Variants in TTC6 observed in about 807,000 individuals in gnomAD.
The protein encoded by TTC6 is tetratricopeptide repeat protein 6.
Under a neutral mutation model 210.4 loss-of-function variants are expected in TTC6, and 172 were observed. The ratio of observed to expected loss-of-function variants is 0.82; its 90% CI spans 0.72 to 0.93. The LOEUF is 0.93. TTC6 is among the 40% of genes least tolerant of loss of function. The pLI, the probability that TTC6 is intolerant of heterozygous loss-of-function variation, is 0.00. For synonymous variants in TTC6, 804 were observed against 819.6 expected (o/e 0.98, Z 0.32); for missense variants, 2,414 against 2,318.1 (o/e 1.04, Z -0.85).
intron 26 of TTC6, among the ~76,000 whole-genome samples, chr14:37,820,884 C>T (rs8007600): frequency 0.91 from 131,639 of 145,018 alleles, 59,931 homozygotes; most frequent in Non-Finnish European, 0.96. Flanking sequence ...TTCTCCTCCT[C>T]CTTCTCCTCC....
chr14:37,800,342 A>G (rs897906014), intron 20 of TTC6, among the ~76,000 whole-genome samples: 10 of 152,236 alleles, frequency 6.6e-5, no homozygotes, highest in African/African-American at 1.9e-4. Flanking sequence ...ATTTCCAAGC[A>G]AGGTGTTGAC....
At chr14:37,827,494 A>G (rs1176540396) in intron 29 of TTC6, 128 bp downstream of exon 31, 2 of 839,222 alleles carry the variant, frequency 2.4e-6, no homozygotes, top group Non-Finnish European at 1.8e-6. Context: ...TTTATTTAAA[A>G]TGTTATCTTT....
intron 20 of TTC6, 29 bp from the exon 23 acceptor site, chr14:37,804,651 G>T: frequency 6.2e-7 from 1 of 1,602,308 alleles, no homozygotes; most frequent in Non-Finnish European, 8.5e-7. Flanking sequence ...AACATTTCTT[G>T]CCCCCTCCCT....
intron 27 of TTC6, among the ~76,000 whole-genome samples, chr14:37,825,464 G>T (rs557821854): frequency 1.3e-5 from 2 of 151,976 alleles, no homozygotes; most frequent in Non-Finnish European, 2.9e-5. Flanking sequence ...GGCAAGATGG[G>T]TTTTTTTAGC....
chr14:37,719,805 T>G (rs952553699), intron 6 of TTC6, among the ~76,000 whole-genome samples: 2 of 152,120 alleles, frequency 1.3e-5, no homozygotes, highest in Non-Finnish European at 2.9e-5. Context: ...ATTCTTACAC[T>G]TGACCCCAAA....
Position 37,827,372 on chromosome 14 carries a change from G to A in TTC6, c.5298+6G>A, listed in dbSNP as rs1485911491. 6.2e-7 allele frequency: 1 copy of A among 1,611,476 alleles called. No homozygotes were observed. On this transcript the variant is annotated splice_donor_region_variant and intron_variant, in intron 29 of 30. Transcript: ENST00000553443. Reference sequence around the variant, plus strand: ...ACCACAGGCAGTTTTCCCAGGTAATGTGAGTTTTACTTAACGCTTTCTTTT... The same window carrying A: ...ACCACAGGCAGTTTTCCCAGGTAATATGAGTTTTACTTAACGCTTTCTTTT...
chr14:37,739,568 T>TAAAA (rs869033607), intron 10 of TTC6, among the ~76,000 whole-genome samples: 8 of 122,336 alleles, frequency 6.5e-5, no homozygotes, highest in African/African-American at 9.7e-5. Context: ...GACTCCATCT[T>TAAAA]AAAAAAAAAA....
intron 25 of TTC6, among the ~76,000 whole-genome samples, chr14:37,813,725 A>G (rs1379921446): frequency 3.9e-5 from 6 of 152,114 alleles, no homozygotes; most frequent in Non-Finnish European, 7.4e-5. Context: ...GCGTTAATAT[A>G]TGGAGATAAA....
At chr14:37,651,163 T>G (rs1323966980) in intron 1 of TTC6, among the ~76,000 whole-genome samples, 2 of 151,956 alleles carry the variant, frequency 1.3e-5, no homozygotes, top group Non-Finnish European at 2.9e-5. Context: ...TGAATTTTCT[T>G]TACTTAGTTG....
At chr14:37,731,161 T>C (rs2095885025) in intron 7 of TTC6, among the ~76,000 whole-genome samples, 2 of 152,212 alleles carry the variant, frequency 1.3e-5, no homozygotes, top group Admixed American at 1.3e-4. Context: ...TTTCATCAGC[T>C]GATCAATACG....
chr14:37,672,720 G>T (rs2095760630), intron 1 of TTC6, among the ~76,000 whole-genome samples: 1 of 151,920 alleles, frequency 6.6e-6, no homozygotes, highest in South Asian at 2.1e-4. Context: ...ATAGTGCATT[G>T]CCCAACCATA....
At chr14:37,755,037 G>T (rs1008445200) in intron 14 of TTC6, among the ~76,000 whole-genome samples, 2 of 152,104 alleles carry the variant, frequency 1.3e-5, no homozygotes, top group African/African-American at 4.8e-5. Flanking sequence ...GTGTAAAAGC[G>T]TTCCTACTTC....
In TTC6 at chr14:37,823,996, G is replaced by T. The variant is rs760489982; in HGVS notation, c.4974+39G>T. 13 of 1,578,934 alleles carry T rather than the reference G, an allele frequency of 8.2e-6. No homozygotes were observed. In the East Asian group the frequency reaches 2.5e-4, roughly 30 times the overall value. ...ATTTTGAGCATTAAAAGCATGTTTTGGGGAGAAAGAATATATTTGGCTCTT... is the reference window on the plus strand; with the variant it reads ...ATTTTGAGCATTAAAAGCATGTTTTTGGGAGAAAGAATATATTTGGCTCTT... On this transcript the variant is annotated intron_variant, in intron 27 of 30. Transcript: ENST00000553443.
At chr14:37,816,823 G>C (rs995325694) in intron 25 of TTC6, among the ~76,000 whole-genome samples, 1 of 152,034 alleles carries the variant, frequency 6.6e-6, no homozygotes, top group Non-Finnish European at 1.5e-5. Flanking sequence ...AAATATTTCT[G>C]TAGGACTTTG....
chr14:37,786,500 G>A (rs2096067999), intron 14 of TTC6, among the ~76,000 whole-genome samples: 1 of 152,174 alleles, frequency 6.6e-6, no homozygotes, highest in Non-Finnish European at 1.5e-5. Flanking sequence ...GTTGGAGTGA[G>A]TCAATTTTCC....
intron 1 of TTC6, among the ~76,000 whole-genome samples, chr14:37,650,148 C>T (rs2095708603): frequency 6.6e-6 from 1 of 152,204 alleles, no homozygotes; most frequent in Admixed American, 6.5e-5. Context: ...TTTCCATTAC[C>T]TGGCACAGGT....
intron 1 of TTC6, among the ~76,000 whole-genome samples, chr14:37,626,824 G>A (rs534496881): frequency 2.0e-5 from 3 of 152,122 alleles, no homozygotes; most frequent in Non-Finnish European, 4.4e-5. Context: ...ATTTTTAGAC[G>A]ATAACTATGT....
intron 14 of TTC6, among the ~76,000 whole-genome samples, chr14:37,773,657 T>C (rs1330455880): frequency 1.3e-5 from 2 of 152,196 alleles, no homozygotes; most frequent in African/African-American, 4.8e-5. Context: ...TTGGTTGCTG[T>C]GGCCTTGTAG....
chr14:37,671,954 T>C (rs1268453216), intron 1 of TTC6, among the ~76,000 whole-genome samples: 1 of 152,116 alleles, frequency 6.6e-6, no homozygotes, highest in Non-Finnish European at 1.5e-5. Context: ...GATTGTAAGT[T>C]TCCTGAGGGC....
Sources: allele counts gnomAD v4.1 joint callset (sites outside exome capture counted in the v4.1 genomes callset), GRCh38; gene constraint gnomAD v4.1.1; transcripts MANE v1.5; gene names NCBI Gene and HGNC (gene_info 2026-07-23, HGNC 2026-07-21).